ABCB1: variants seen among roughly 807,000 people sequenced by gnomAD.
ABCB1 encodes ATP binding cassette subfamily B member 1.
ABCB1 carries 69 observed loss-of-function variants against 142.0 expected under a neutral mutation model. The observed-to-expected ratio is 0.49, with a 90% CI of 0.40 to 0.59. The LOEUF (loss-of-function observed/expected upper bound fraction) is 0.59, where lower values mean the gene tolerates loss of function less well. Ranked by LOEUF, ABCB1 falls within the 20% of genes least tolerant of loss-of-function variation. The pLI, the probability that ABCB1 is intolerant of heterozygous loss-of-function variation, is 0.00. For missense variants in ABCB1, 1,326 were observed against 1,554.7 expected (o/e 0.85, Z 2.47); for synonymous variants, 532 against 539.2 (o/e 0.99, Z 0.18).
Position 87,568,223 on chromosome 7 carries a change from G to A in ABCB1, c.339-1247C>T, listed in dbSNP as rs545158640. Among the ~76,000 whole-genome samples the A allele has an allele frequency of 3.6e-4, 30 of 82,254 alleles. No individual in the cohort carries two copies. The South Asian group carries it at 5.8e-3, about 16-fold the overall frequency. 54.0% of individuals were successfully genotyped at this position (82,254 alleles called of 152,430 possible). On this transcript the variant is annotated intron_variant, in intron 5 of 27. Coordinates refer to ENST00000622132, the MANE Select transcript of ABCB1 (RefSeq NM_001348946.2). ...AGCCTGACCAAAGTGGTGAAATCCC[G>A]TCTCTACTAAAAATACGACAATAAT...
chr7:87,701,608 G>C (rs964168705), intron 1 of ABCB1, among the ~76,000 whole-genome samples: 1 of 152,182 alleles, frequency 6.6e-6, no homozygotes, highest in Non-Finnish European at 1.5e-5. Context: ...ACTATAGTAT[G>C]AAAAAGTCAT....
intron 1 of ABCB1, among the ~76,000 whole-genome samples, chr7:87,626,023 T>G (rs1468149): frequency 0.4 from 46,103 of 114,398 alleles, 9,961 homozygotes; most frequent in Admixed American, 0.43. Context: ...TATATATATA[T>G]AGAGAGAGAG....
chr7:87,612,503 G>A (rs1012207392), intron 1 of ABCB1, among the ~76,000 whole-genome samples: 7 of 151,972 alleles, frequency 4.6e-5, no homozygotes, highest in Admixed American at 2.0e-4. Flanking sequence ...TCTCAGCACC[G>A]TTTATTGAAT....
chr7:87,698,539 T>C (rs746342551), intron 1 of ABCB1, among the ~76,000 whole-genome samples: 3 of 152,232 alleles, frequency 2.0e-5, no homozygotes, highest in Non-Finnish European at 2.9e-5. Flanking sequence ...ACTAGCAGAC[T>C]GTTATCAAAA....
chr7:87,591,430 G>A (rs1465895070), intron 3 of ABCB1, among the ~76,000 whole-genome samples: 4 of 152,178 alleles, frequency 2.6e-5, no homozygotes, highest in Non-Finnish European at 5.9e-5. Context: ...GGGCAGAGCT[G>A]GAAGGAATCA....
In ABCB1 at chr7:87,710,710, T is replaced by C. The variant is rs1829997098; in HGVS notation, c.-331+2451A>G. 6 of 933,128 alleles carry C rather than the reference T, an allele frequency of 6.4e-6. No homozygotes were observed. The East Asian group carries it at 1.5e-4, about 24-fold the overall frequency. 57.8% of individuals were successfully genotyped at this position (933,128 alleles called of 1,614,324 possible). ...ATATTTGAAAGAATCACCTGAAGAC[T>C]CAGAAATCAGAATAGGATGAAGAAT... On this transcript the variant is annotated intron_variant, in intron 1 of 28. Transcript: ENST00000265724.
chr7:87,673,070 C>A (rs1397086883), intron 1 of ABCB1, among the ~76,000 whole-genome samples: 1 of 152,216 alleles, frequency 6.6e-6, no homozygotes, highest in Non-Finnish European at 1.5e-5. Context: ...TGTAGGCTTT[C>A]TGCTGAAAGG....
At chr7:87,709,327 C>A (rs1334321850) in intron 1 of ABCB1, 1 of 985,172 alleles carries the variant, frequency 1.0e-6, no homozygotes, top group Non-Finnish European at 1.2e-6. Context: ...GACACCGCTA[C>A]TAGTTTCTGT....
At chr7:87,677,335 T>TAA (rs57714170) in intron 1 of ABCB1, among the ~76,000 whole-genome samples, 5 of 125,238 alleles carry the variant, frequency 4.0e-5, no homozygotes, top group African/African-American at 1.5e-4. Flanking sequence ...ATTTCAGATT[T>TAA]AAAAAAAAAA....
chr7:87,638,743 C>T (rs1329830969), intron 1 of ABCB1, among the ~76,000 whole-genome samples: 1 of 152,080 alleles, frequency 6.6e-6, no homozygotes, highest in Non-Finnish European at 1.5e-5. Context: ...TTTTGCTAGG[C>T]ATTTATTAAT....
Position 87,561,322 on chromosome 7 carries a change from C to T in ABCB1, c.768G>A (p.Glu256=), listed in dbSNP as rs1288574164. The T allele has an allele frequency of 6.2e-7, 1 of 1,613,980 alleles. No individual in the cohort carries two copies. Among genetic ancestry groups the T allele is most frequent in the Non-Finnish European group, 8.5e-7 (1 of 1,179,938 alleles). Residue 256 remains glutamate (E), a synonymous_variant, in exon 8 of 28, where the codon GAG becomes GAA. Coordinates refer to ENST00000622132, the MANE Select transcript of ABCB1 (RefSeq NM_001348946.2). ...AYAKAGAVAE[E]VLAAIRTVIA... is the part of the protein sequence containing the mutation. ...TCACAGTTCTAATTGCTGCCAAGAC[C>T]TCTTCAGCTACTGCTCCAGCTTTTG...
chr7:87,643,738 G>A (rs1028090335), intron 1 of ABCB1, among the ~76,000 whole-genome samples: 5 of 151,798 alleles, frequency 3.3e-5, no homozygotes, highest in Non-Finnish European at 7.4e-5. Flanking sequence ...TATTGCCCAG[G>A]CTAGTCTCGA....
intron 5 of ABCB1, among the ~76,000 whole-genome samples, chr7:87,569,205 C>T (rs1034643739): frequency 1.2e-4 from 18 of 151,800 alleles, no homozygotes; most frequent in African/African-American, 4.1e-4. Flanking sequence ...TAGTGACACA[C>T]GCCTGTAATC....
chr7:87,549,642 T>C lies in ABCB1; in HGVS notation c.1555-124A>G, dbSNP rs1387659216. The C allele has an allele frequency of 4.7e-6, 7 of 1,492,578 alleles. No homozygotes were observed. In the East Asian group the frequency reaches 1.1e-4, roughly 24 times the overall value. 92.5% of individuals were successfully genotyped at this position (1,492,578 alleles called of 1,614,324 possible). ...AGTAATACAGGTCCAGTTCTTTAAA[T>C]CTTATTTAACACAATAACCAACCTC... is the stretch of plus-strand genomic sequence containing the variant. On this transcript the variant is annotated intron_variant, in intron 13 of 27. Coordinates refer to ENST00000622132, the MANE Select transcript of ABCB1 (RefSeq NM_001348946.2).
intron 7 of ABCB1, among the ~76,000 whole-genome samples, chr7:87,563,146 G>A (rs895291299): frequency 6.6e-6 from 1 of 152,088 alleles, no homozygotes; most frequent in Non-Finnish European, 1.5e-5. Flanking sequence ...CCAATAAAGA[G>A]TTCTGAAATT....
At chr7:87,682,275 G>A (rs548782042) in intron 1 of ABCB1, among the ~76,000 whole-genome samples, 16 of 152,240 alleles carry the variant, frequency 1.1e-4, no homozygotes, top group Admixed American at 3.3e-4. Context: ...ATGAGAGTTG[G>A]AATCAACTTT....
chr7:87,585,759 T>C (rs1818725315), intron 3 of ABCB1, 79 bp from the exon 4 acceptor site: 2 of 1,468,180 alleles, frequency 1.4e-6, no homozygotes, highest in Non-Finnish European at 1.9e-6. Context: ...TCAAAATATA[T>C]CCAAAATCCA....
intron 18 of ABCB1, among the ~76,000 whole-genome samples, chr7:87,541,076 A>C (rs1433114574): frequency 6.6e-6 from 1 of 152,124 alleles, no homozygotes; most frequent in Non-Finnish European, 1.5e-5. Flanking sequence ...CCCACACCCC[A>C]TTTTGAAGTC....
chr7:87,520,870 T>C lies in ABCB1; in HGVS notation c.2692A>G (p.Thr898Ala), dbSNP rs767693167. 8.1e-6 allele frequency: 13 copies of C among 1,613,572 alleles called. No homozygotes were observed. Among genetic ancestry groups the C allele is most frequent in the Non-Finnish European group, 9.3e-6 (11 of 1,179,582 alleles). ...KELEGSGKIA[T>A]EAIENFRTVV... ...GTTCGGAAGTTTTCTATTGCTTCAG[T>C]AGCGATCTGTAACAGACAGCACCGA... The change falls in exon 22 of 28, where the codon ACT (threonine) becomes GCT (alanine). Residue 898 changes from threonine to alanine, a missense_variant. By Grantham distance (58) the Thr-to-Ala change is moderately conservative. Transcript: ENST00000622132.
Sources: allele counts gnomAD v4.1 joint callset (sites outside exome capture counted in the v4.1 genomes callset), GRCh38; gene constraint gnomAD v4.1.1; transcripts MANE v1.5; gene names NCBI Gene and HGNC (gene_info 2026-07-23, HGNC 2026-07-21).